The following ABI2 variants were observed in gnomAD, a reference collection of about 807,000 sequenced individuals.
The protein encoded by ABI2 is abelson interactor 2.
A neutral mutation model predicts 59.2 loss-of-function variants in ABI2; 25 were observed. That is an observed-to-expected ratio of 0.42 (90% confidence interval 0.31 to 0.59). The LOEUF (loss-of-function observed/expected upper bound fraction) is 0.59, where lower values mean the gene tolerates loss of function less well. Ranked by LOEUF, ABI2 falls within the 20% of genes least tolerant of loss-of-function variation. The pLI is 0.14. For missense variants in ABI2, 545 were observed against 681.8 expected, an observed-to-expected ratio of 0.80 and a Z score of 2.23; for synonymous variants, 213 against 235.5, an observed-to-expected ratio of 0.90 and a Z score of 0.87.
At chr2:203,417,301 C>T (rs1181453268) in intron 11 of ABI2, among the ~76,000 whole-genome samples, 3 of 152,140 alleles carry the variant, frequency 2.0e-5, no homozygotes, top group South Asian at 2.1e-4. Flanking sequence ...TATATTGTTC[C>T]TATTGGACAT....
At chr2:203,329,582 T>TTTGAA (rs1009423623) in intron 1 of ABI2, among the ~76,000 whole-genome samples, 3 of 151,966 alleles carry the variant, frequency 2.0e-5, no homozygotes, top group Admixed American at 6.6e-5. Flanking sequence ...TTATGGTTAT[T>TTTGAA]TTGAATTATG....
intron 11 of ABI2, 45 bp downstream of exon 11, chr2:203,417,126 C>T (rs369304387): frequency 1.8e-4 from 274 of 1,481,460 alleles, no homozygotes; most frequent in Non-Finnish European, 2.4e-4. Context: ...GAAACCTCTA[C>T]ATAGAAATGA....
chr2:203,425,314 T>C (rs78999781), intron 11 of ABI2, among the ~76,000 whole-genome samples: 12,074 of 152,092 alleles, frequency 0.079, 589 homozygotes, highest in Middle Eastern at 0.11. Context: ...GTGATTCTCT[T>C]GCCTCAGCCT....
At position 203,418,508 on chromosome 2, in the gene ABI2, T is replaced by C. The variant is rs1288633468; in HGVS notation, c.1453+1427T>C. Among the ~76,000 whole-genome samples the C allele has an allele frequency of 5.9e-5, 9 of 152,262 alleles. No individual in the cohort carries two copies. In the South Asian group the frequency reaches 1.2e-3, roughly 21 times the overall value. On this transcript the variant is annotated intron_variant, in intron 11 of 11. Transcript: ENST00000261018. Reference sequence around the variant, plus strand: ...TGGCCTGACGGCCTCGGCTTCTTCATTGGCTGTTGGCCAGAGGCTGCCCAC... The same window carrying C: ...TGGCCTGACGGCCTCGGCTTCTTCACTGGCTGTTGGCCAGAGGCTGCCCAC...
Position 203,428,969 on chromosome 2 carries a change from AG to A in ABI2, c.*1618del, listed in dbSNP as rs1247274000. ...AAGTGAACAAGTGTAGTAGTGTGTG[AG>A]AAAATTCAGATGGTGTCGGATGCAG... On this transcript the variant is annotated 3_prime_UTR_variant, in exon 12 of 12. Transcript: ENST00000261018. The A allele has an allele frequency of 2.0e-5, 3 of 152,268 alleles. No homozygotes were observed. Among genetic ancestry groups the A allele is most frequent in the Non-Finnish European group, 4.4e-5 (3 of 68,044 alleles). 9.4% of individuals were successfully genotyped at this position (152,268 alleles called of 1,614,324 possible).
intron 11 of ABI2, among the ~76,000 whole-genome samples, chr2:203,420,490 T>TTCACGCCATTCTCCTGCCTCAGCC (rs1458216768): frequency 6.6e-6 from 1 of 151,574 alleles, no homozygotes; most frequent in Non-Finnish European, 1.5e-5. Flanking sequence ...GCCTCCCAGG[T>TTCACGCCATTCTCCTGCCTCAGCC]TCACGCCATT....
At chr2:203,334,860 CGT>C (rs2075727158) in intron 1 of ABI2, among the ~76,000 whole-genome samples, 1 of 152,030 alleles carries the variant, frequency 6.6e-6, no homozygotes, top group Non-Finnish European at 1.5e-5. Flanking sequence ...GGGGTTTCAC[CGT>C]ATTGGCCAGG....
chr2:203,423,612 G>A (rs999399559), intron 11 of ABI2, among the ~76,000 whole-genome samples: 3 of 152,068 alleles, frequency 2.0e-5, no homozygotes, highest in East Asian at 1.9e-4. Context: ...TTTAGTAGAG[G>A]CGGGGTTTCA....
At chr2:203,349,807 CCA>C (rs2086494156) in intron 1 of ABI2, among the ~76,000 whole-genome samples, 2 of 151,176 alleles carry the variant, frequency 1.3e-5, no homozygotes, top group African/African-American at 2.4e-5. Context: ...TCTGATTTTT[CCA>C]CCTTTTGCCA....
At chr2:203,373,087 G>C (rs1411886429) in intron 2 of ABI2, among the ~76,000 whole-genome samples, 4 of 152,102 alleles carry the variant, frequency 2.6e-5, no homozygotes, top group Non-Finnish European at 5.9e-5. Flanking sequence ...CTGCAATCTC[G>C]GCACTTTGGG....
chr2:203,330,545 C>T (rs532721277), intron 1 of ABI2, among the ~76,000 whole-genome samples: 1 of 152,264 alleles, frequency 6.6e-6, no homozygotes, highest in African/African-American at 2.4e-5. Flanking sequence ...AATTTATACT[C>T]TGTAGTGCAC....
intron 1 of ABI2, among the ~76,000 whole-genome samples, chr2:203,347,027 G>A (rs2084071445): frequency 6.6e-6 from 1 of 152,170 alleles, no homozygotes; most frequent in African/African-American, 2.4e-5. Context: ...AGGACTTTGT[G>A]TTCTTACATG....
intron 9 of ABI2, among the ~76,000 whole-genome samples, chr2:203,408,883 C>T (rs1262627100): frequency 2.3e-5 from 3 of 128,496 alleles, no homozygotes; most frequent in African/African-American, 8.4e-5. Flanking sequence ...CCAGGTCGGA[C>T]TGCGGACTGC....
chr2:203,408,494 C>T (rs1185856473), intron 9 of ABI2, among the ~76,000 whole-genome samples: 3 of 151,590 alleles, frequency 2.0e-5, no homozygotes, highest in Admixed American at 6.6e-5. Context: ...ACTATGGCTT[C>T]AGATTTTCAC....
chr2:203,374,705 A>G, intron 2 of ABI2: 2 of 384,436 alleles, frequency 5.2e-6, no homozygotes, highest in South Asian at 1.9e-5. Context: ...AATTTGAAGC[A>G]TAATTGTAAT....
chr2:203,342,734 G>A (rs1033916583), intron 1 of ABI2, among the ~76,000 whole-genome samples: 3 of 151,816 alleles, frequency 2.0e-5, no homozygotes, highest in African/African-American at 4.8e-5. Flanking sequence ...ACAGGTGCTC[G>A]CCACCATGCC....
At chr2:203,409,646 C>T (rs2097574836) in intron 9 of ABI2, among the ~76,000 whole-genome samples, 1 of 152,194 alleles carries the variant, frequency 6.6e-6, no homozygotes, top group South Asian at 2.1e-4. Context: ...CAACTACTCT[C>T]TTCCCACACT....
intron 1 of ABI2, among the ~76,000 whole-genome samples, chr2:203,341,087 G>A (rs1414541914): frequency 6.6e-6 from 1 of 152,088 alleles, no homozygotes; most frequent in Non-Finnish European, 1.5e-5. Context: ...CTTCCTTCAA[G>A]CTTTTGCTGA....
chr2:203,356,054 T>TTC (rs948528596), intron 1 of ABI2, among the ~76,000 whole-genome samples: 6 of 152,106 alleles, frequency 3.9e-5, no homozygotes, highest in Non-Finnish European at 7.4e-5. Context: ...ATAGTTTTTT[T>TTC]TCTCTCTCTC....
Sources: gnomAD v4.1 joint callset for allele counts (sites outside exome capture counted in the v4.1 genomes callset) on GRCh38, gnomAD v4.1.1 for gene constraint, MANE v1.5 for transcripts, NCBI Gene and HGNC (gene_info 2026-07-23, HGNC 2026-07-21) for gene names.